The following NIN variants were observed in gnomAD, a reference collection of about 807,000 sequenced individuals.
NIN encodes the protein ninein.
A neutral mutation model predicts 257.6 loss-of-function variants in NIN; 137 were observed. The ratio of observed to expected loss-of-function variants is 0.53; its 90% CI spans 0.46 to 0.61. The LOEUF (loss-of-function observed/expected upper bound fraction) is 0.61. NIN is among the 20% of genes least tolerant of loss of function. NIN has a pLI of 0.00. For synonymous variants in NIN, 918 were observed against 919.8 expected, an observed-to-expected ratio of 1.00 and a Z score of 0.04; for missense variants, 2,439 against 2,501.2, an observed-to-expected ratio of 0.98 and a Z score of 0.53.
At chr14:50,752,412 C>CT in intron 21 of NIN, 106 bp downstream of exon 21, 4 of 819,574 alleles carry the variant, frequency 4.9e-6, no homozygotes, top group Non-Finnish European at 8.0e-6. Flanking sequence ...CAGGACCATA[C>CT]TGTTTTAATT....
At chr14:50,740,352 CTTT>C (rs58542931) in intron 25 of NIN, among the ~76,000 whole-genome samples, 2 of 135,704 alleles carry the variant, frequency 1.5e-5, no homozygotes, top group Non-Finnish European at 1.6e-5. Flanking sequence ...CCACAGCTGG[CTTT>C]TTTTTTTTTT....
intron 23 of NIN, 124 bp downstream of exon 23, chr14:50,744,119 C>G: frequency 2.0e-6 from 2 of 994,428 alleles, no homozygotes; most frequent in Non-Finnish European, 1.5e-6. Context: ...CAAAGAAATG[C>G]TGCTCCAGGA....
Position 50,729,686 on chromosome 14 carries a change from G to A in NIN, c.5915C>T (p.Ser1972Phe), listed in dbSNP as rs775483497. ...HLRSTATPSP[S>F]PHAWDLQLLQ... ...CAGCTGCAAATCCCAAGCATGAGGG[G>A]ACGGGCTAGGCGTCGCAGTGGACCT... Residue 1972 changes from serine to phenylalanine, a missense_variant, in exon 29 of 31, where the codon TCC becomes TTC. By Grantham distance (155) the Ser-to-Phe change is radical. Around this residue, in one of 3 missense-constraint regions of NIN, gnomAD observed 2,043 missense variants for 2,050.2 expected, o/e 1.00. Transcript: ENST00000530997. 1 of 1,612,934 alleles carries A rather than the reference G, an allele frequency of 6.2e-7. No homozygotes were observed. Among genetic ancestry groups the A allele is most frequent in the Non-Finnish European group, 8.5e-7 (1 of 1,179,562 alleles).
chr14:50,782,947 G>C (rs2065077), intron 5 of NIN, among the ~76,000 whole-genome samples: 123,890 of 149,186 alleles, frequency 0.83, 53,755 homozygotes, highest in East Asian at 1. Flanking sequence ...AGACATTCTT[G>C]AGACAGTCCA....
chr14:50,755,310 G>A (rs1042463087), intron 18 of NIN, among the ~76,000 whole-genome samples: 2 of 152,064 alleles, frequency 1.3e-5, no homozygotes, highest in African/African-American at 4.8e-5. Flanking sequence ...AAATCAAAGG[G>A]CCACAATGAA....
intron 5 of NIN, among the ~76,000 whole-genome samples, chr14:50,789,069 AAAG>A (rs1462287245): frequency 6.6e-6 from 1 of 152,212 alleles, no homozygotes; most frequent in Non-Finnish European, 1.5e-5. Context: ...CAATCAAAAC[AAAG>A]AAGACCTGGC....
chr14:50,810,884 G>A (rs1029356846), intron 3 of NIN, among the ~76,000 whole-genome samples: 1 of 152,106 alleles, frequency 6.6e-6, no homozygotes, highest in South Asian at 2.1e-4. Flanking sequence ...GGATGGTCTC[G>A]ATCTCCTGAC....
At chr14:50,744,120 T>G (rs1038637330) in intron 23 of NIN, 123 bp downstream of exon 23, 2 of 1,015,436 alleles carry the variant, frequency 2.0e-6, no homozygotes, top group Non-Finnish European at 2.9e-6. Flanking sequence ...AAAGAAATGC[T>G]GCTCCAGGAC....
intron 3 of NIN, among the ~76,000 whole-genome samples, chr14:50,816,461 TG>T (rs2044901325): frequency 1.3e-5 from 2 of 152,056 alleles, no homozygotes; most frequent in Admixed American, 6.5e-5. Flanking sequence ...CTCCATGTGG[TG>T]GGGGTAGTGT....
At chr14:50,819,045 G>A (rs1321456657) in intron 3 of NIN, among the ~76,000 whole-genome samples, 1 of 152,120 alleles carries the variant, frequency 6.6e-6, no homozygotes, top group East Asian at 1.9e-4. Flanking sequence ...GTCCAATAGA[G>A]GTAAGGTGGA....
In NIN at chr14:50,743,548, AAG is replaced by A. The variant is rs1369628235; in HGVS notation, c.5188-21_5188-20del. The A allele has an allele frequency of 1.3e-6, 2 of 1,511,776 alleles. No homozygotes were observed. The highest frequency in any genetic ancestry group is 1.4e-5 in the African/African-American group (1 of 72,814). 93.6% of individuals were successfully genotyped at this position (1,511,776 alleles called of 1,614,324 possible). ...TTGCCAACTGTTTCAGGAAGGGAAA[AAG>A]AGGTAAGAGGGCATTTTTGCAAACA... On this transcript the variant is annotated intron_variant, in intron 23 of 30. Coordinates refer to ENST00000530997, the MANE Select transcript of NIN (RefSeq NM_020921.4).
intron 26 of NIN, 84 bp from the exon 27 acceptor site, chr14:50,738,370 T>G: frequency 8.4e-7 from 1 of 1,191,470 alleles, no homozygotes; most frequent in African/African-American, 1.5e-5. Flanking sequence ...AAGTTTTAAT[T>G]CAGTACTTGG....
intron 28 of NIN, 107 bp from the exon 29 acceptor site, chr14:50,729,830 C>T (rs1217544505): frequency 6.3e-6 from 5 of 796,024 alleles, no homozygotes; most frequent in Non-Finnish European, 9.4e-6. Flanking sequence ...CATTAATAAC[C>T]CCAGACCCAC....
At chr14:50,785,371 C>T (rs151119921) in intron 5 of NIN, among the ~76,000 whole-genome samples, 192 of 152,370 alleles carry the variant, frequency 1.3e-3, no homozygotes, top group African/African-American at 3.7e-3. Context: ...GCAGAATGTA[C>T]GGCTAATTAA....
At chr14:50,821,759 T>G in intron 3 of NIN, 115 bp downstream of exon 3, 1 of 793,154 alleles carries the variant, frequency 1.3e-6, no homozygotes, top group Non-Finnish European at 2.1e-6. Flanking sequence ...CTTTTTATCA[T>G]GTAACAGCCA....
At chr14:50,730,388 A>T (rs1333318936) in intron 28 of NIN, among the ~76,000 whole-genome samples, 1 of 152,152 alleles carries the variant, frequency 6.6e-6, no homozygotes, top group African/African-American at 2.4e-5. Context: ...AGTGGGGGAG[A>T]GGAAAGGGAG....
chr14:50,826,846 C>T (rs1448232206), intron 2 of NIN, among the ~76,000 whole-genome samples: 1 of 152,218 alleles, frequency 6.6e-6, no homozygotes, highest in African/African-American at 2.4e-5. Flanking sequence ...TGCGGAATGT[C>T]TGCATGCCCC....
rs1024843802 is a variant in NIN, at chr14:50,741,837, CTT to C, written c.5302-111_5302-110del. 7.8e-6 allele frequency: 10 copies of C among 1,275,928 alleles called. No homozygotes were observed. The African/African-American group carries it at 1.3e-4, about 17-fold the overall frequency. The allele number at this position is 1,275,928 out of a possible 1,614,324, so 79.0% of individuals were successfully genotyped here. ...AGAACTTTCAAGTCTGTTTGTTTCT[CTT>C]TACTAAATCCAGCTTTCTTGTCAGT... On this transcript the variant is annotated intron_variant, in intron 24 of 30. Transcript: ENST00000530997.
chr14:50,789,332 T>A (rs1403498588), intron 5 of NIN, among the ~76,000 whole-genome samples: 1 of 150,546 alleles, frequency 6.6e-6, no homozygotes, highest in Non-Finnish European at 1.5e-5. Context: ...CCCAGCACTT[T>A]GGGAGGCCGA....
Sources: gnomAD v4.1 joint callset for allele counts (sites outside exome capture counted in the v4.1 genomes callset) on GRCh38, gnomAD v4.1.1 for gene constraint, gnomAD v4.1.1 regional missense constraint, MANE v1.5 for transcripts, NCBI Gene and HGNC (gene_info 2026-07-23, HGNC 2026-07-21) for gene names.